MOB1A: variants seen among roughly 807,000 people sequenced by gnomAD.
MOB1A encodes the protein MOB kinase activator 1A, also known as MOB1 Mps One Binder homolog A.
A neutral mutation model predicts 25.1 loss-of-function variants in MOB1A; 10 were observed. The observed-to-expected ratio is 0.40, with a 90% CI of 0.25 to 0.68. The LOEUF (loss-of-function observed/expected upper bound fraction) is 0.68, where lower values mean the gene tolerates loss of function less well. MOB1A is among the 30% of genes least tolerant of loss of function. The pLI is 0.40. For synonymous variants in MOB1A, 81 were observed against 79.5 expected (o/e 1.02, Z -0.10); for missense variants, 177 against 256.3 (o/e 0.69, Z 2.11).
rs560944888 is a variant in MOB1A, at chr2:74,168,733, T to A, written c.182-1626A>T. ...TTCTTAAAAAACAAATAGATTTTTT[T>A]AAAATGCTATCTTGTAAAAGGAATT... On this transcript the variant is annotated intron_variant, in intron 2 of 5. Coordinates refer to ENST00000396049, the MANE Select transcript of MOB1A (RefSeq NM_018221.5). Among the ~76,000 whole-genome samples, 12 of 152,370 alleles carry A rather than the reference T, an allele frequency of 7.9e-5. No homozygotes were observed. In the South Asian group the frequency reaches 1.0e-3, roughly 13 times the overall value.
chr2:74,165,501 G>A, intron 3 of MOB1A, 150 bp from the exon 4 acceptor site: 1 of 482,014 alleles, frequency 2.1e-6, no homozygotes, highest in African/African-American at 2.0e-5. Flanking sequence ...ATTACTGTGA[G>A]TTCCCTATGT....
At chr2:74,177,368 AG>A (rs1402707383) in intron 1 of MOB1A, among the ~76,000 whole-genome samples, 1 of 152,204 alleles carries the variant, frequency 6.6e-6, no homozygotes. Flanking sequence ...ATAAAAAAAA[AG>A]AAAAAGTCTC....
At chr2:74,165,429 T>G in intron 3 of MOB1A, 78 bp from the exon 4 acceptor site, 1 of 886,160 alleles carries the variant, frequency 1.1e-6, no homozygotes, top group East Asian at 3.0e-5. Flanking sequence ...AACAGGTTCA[T>G]TCACATTTTG....
At chr2:74,172,921 A>G in intron 1 of MOB1A, 169 bp from the exon 2 acceptor site, 1 of 675,216 alleles carries the variant, frequency 1.5e-6, no homozygotes, top group South Asian at 1.7e-5. Flanking sequence ...GGATCACCTG[A>G]GGTCAGGAGT....
At chr2:74,161,519 T>A (rs1352699777) in intron 4 of MOB1A, among the ~76,000 whole-genome samples, 1 of 151,814 alleles carries the variant, frequency 6.6e-6, no homozygotes, top group African/African-American at 2.4e-5. Flanking sequence ...GCGGCACCTG[T>A]AGTCCCAGCT....
At chr2:74,164,622 A>G (rs1382617753) in intron 4 of MOB1A, 2 of 152,248 alleles carry the variant, frequency 1.3e-5, no homozygotes, top group African/African-American at 2.4e-5. Context: ...CATAAAAGAT[A>G]TAATAGGACA....
At chr2:74,160,109 G>C (rs1194807723) in intron 4 of MOB1A, among the ~76,000 whole-genome samples, 1 of 152,140 alleles carries the variant, frequency 6.6e-6, no homozygotes, top group African/African-American at 2.4e-5. Flanking sequence ...TAATATTAGA[G>C]AGTTTCTTTC....
intron 2 of MOB1A, among the ~76,000 whole-genome samples, chr2:74,170,388 C>T (rs1188128340): frequency 6.6e-6 from 1 of 152,050 alleles, no homozygotes; most frequent in South Asian, 2.1e-4. Flanking sequence ...CCGCCTGCCT[C>T]GGCCTCCCAA....
chr2:74,159,314 ATTTGTGACAGGGTCTCAC>A, intron 4 of MOB1A, 60 bp from the exon 5 acceptor site: 1 of 1,478,674 alleles, frequency 6.8e-7, no homozygotes, highest in South Asian at 1.2e-5. Context: ...AAAGTTGTTT[ATTTGTGACAGGGTCTCAC>A]TTTGTCACTC....
rs1290530398 is a variant in MOB1A at position 74,153,575 on chromosome 2, GAAAGACA to G, written c.*2986_*2992del. 1 of 152,208 alleles carries G rather than the reference GAAAGACA, an allele frequency of 6.6e-6. No homozygotes were observed. The highest frequency in any genetic ancestry group is 6.5e-5 in the Admixed American group (1 of 15,284). The allele number at this position is 152,208 out of a possible 1,614,324, so 9.4% of individuals were successfully genotyped here. On this transcript the variant is annotated 3_prime_UTR_variant, in exon 6 of 6. Coordinates refer to ENST00000396049, the MANE Select transcript of MOB1A (RefSeq NM_018221.5). Reference sequence around the variant, plus strand: ...TCACTTTATTCACAATCTGAAGAATGAAAGACAAATTTGGCTGTCAATACAAAAACTG... The same window carrying G: ...TCACTTTATTCACAATCTGAAGAATGAATTTGGCTGTCAATACAAAAACTG...
chr2:74,171,184 A>G (rs1693284940), intron 2 of MOB1A, among the ~76,000 whole-genome samples: 1 of 151,996 alleles, frequency 6.6e-6, no homozygotes, highest in African/African-American at 2.4e-5. Context: ...GGGGAGGCTG[A>G]GGCAGGAGAA....
intron 1 of MOB1A, among the ~76,000 whole-genome samples, chr2:74,173,681 T>C (rs1210070967): frequency 6.7e-6 from 1 of 150,298 alleles, no homozygotes; most frequent in African/African-American, 2.4e-5. Context: ...CCGGGCGCGG[T>C]GGCTCACGCC....
intron 5 of MOB1A, among the ~76,000 whole-genome samples, chr2:74,157,607 A>C (rs906599984): frequency 6.6e-6 from 1 of 152,156 alleles, no homozygotes; most frequent in African/African-American, 2.4e-5. Flanking sequence ...ATCTGATGCT[A>C]CCTCCAGATA....
chr2:74,167,339 G>A (rs147702647), intron 2 of MOB1A, among the ~76,000 whole-genome samples: 8,348 of 151,984 alleles, frequency 0.055, 325 homozygotes, highest in African/African-American at 0.097. Context: ...TCCGCTTCCC[G>A]GGTTCAAGCA....
At chr2:74,174,280 A>G (rs903891973) in intron 1 of MOB1A, among the ~76,000 whole-genome samples, 14 of 151,626 alleles carry the variant, frequency 9.2e-5, no homozygotes, top group South Asian at 4.2e-4. Context: ...AAAAAAAAAA[A>G]AAAAAGAAAA....
At chr2:74,168,451 G>C (rs1693191479) in intron 2 of MOB1A, among the ~76,000 whole-genome samples, 1 of 152,176 alleles carries the variant, frequency 6.6e-6, no homozygotes, top group African/African-American at 2.4e-5. Flanking sequence ...ACCAGTCTGG[G>C]CAACACAGCT....
chr2:74,165,759 G>A (rs1021769857), intron 3 of MOB1A, among the ~76,000 whole-genome samples: 5 of 152,080 alleles, frequency 3.3e-5, no homozygotes. Context: ...TGTTTTGGGG[G>A]CCAGGTGTTA....
chr2:74,178,337 A>G (rs1693537566), intron 1 of MOB1A: 2 of 237,328 alleles, frequency 8.4e-6, no homozygotes, highest in Admixed American at 5.6e-5. Context: ...GCTCGAGACA[A>G]GAGAAACTGG....
intron 2 of MOB1A, among the ~76,000 whole-genome samples, chr2:74,171,013 C>T (rs1220391386): frequency 1.3e-5 from 2 of 152,180 alleles, no homozygotes; most frequent in Non-Finnish European, 2.9e-5. Flanking sequence ...GGTGCGGTGG[C>T]TCACGCCTGT....
Sources: allele counts gnomAD v4.1 joint callset (sites outside exome capture counted in the v4.1 genomes callset), GRCh38; gene constraint gnomAD v4.1.1; transcripts MANE v1.5; gene names NCBI Gene and HGNC (gene_info 2026-07-23, HGNC 2026-07-21).